Variants in ATG10 observed in about 807,000 individuals in gnomAD.
ATG10 encodes autophagy related 10.
Under a neutral mutation model 32.1 loss-of-function variants are expected in ATG10, and 30 were observed. The observed-to-expected ratio is 0.94, with a 90% confidence interval of 0.70 to 1.27. The LOEUF (loss-of-function observed/expected upper bound fraction) is 1.27, where lower values mean the gene tolerates loss of function less well. Ranked by LOEUF, ATG10 falls within the 50% of genes most tolerant of loss-of-function variation. The pLI is 0.00. For missense variants in ATG10, 233 were observed against 262.3 expected, an observed-to-expected ratio of 0.89 and a Z score of 0.77; for synonymous variants, 87 against 91.5, an observed-to-expected ratio of 0.95 and a Z score of 0.28.
chr5:82,026,099 T>C (rs1033469111), intron 2 of ATG10, among the ~76,000 whole-genome samples: 1 of 152,196 alleles, frequency 6.6e-6, no homozygotes, highest in African/African-American at 2.4e-5. Flanking sequence ...AACTTTCCAT[T>C]TTCCCCACTG....
intron 5 of ATG10, among the ~76,000 whole-genome samples, chr5:82,223,671 A>G (rs769231518): frequency 7.9e-5 from 12 of 152,238 alleles, no homozygotes; most frequent in Non-Finnish European, 1.8e-4. Flanking sequence ...ATTACACAGA[A>G]GAATTAATCA....
chr5:82,040,310 T>TA (rs1763046847), intron 2 of ATG10, among the ~76,000 whole-genome samples: 1 of 152,204 alleles, frequency 6.6e-6, no homozygotes, highest in Non-Finnish European at 1.5e-5. Flanking sequence ...CAGCTTTTGA[T>TA]ACATCAAATT....
At chr5:82,051,635 C>T (rs1206094194) in intron 2 of ATG10, among the ~76,000 whole-genome samples, 1 of 152,048 alleles carries the variant, frequency 6.6e-6, no homozygotes, top group Non-Finnish European at 1.5e-5. Flanking sequence ...CAGAGTTCAC[C>T]CTGGCCAGGA....
intron 5 of ATG10, among the ~76,000 whole-genome samples, chr5:82,242,189 C>A (rs1365750863): frequency 6.6e-6 from 1 of 151,892 alleles, no homozygotes; most frequent in African/African-American, 2.4e-5. Context: ...AGGAAGACGA[C>A]TATGGAAAAT....
intron 1 of ATG10, among the ~76,000 whole-genome samples, chr5:81,981,097 C>T (rs1409923751): frequency 6.6e-6 from 1 of 152,198 alleles, no homozygotes; most frequent in African/African-American, 2.4e-5. Flanking sequence ...TACGACTTCT[C>T]TTCTGATGTG....
intron 5 of ATG10, among the ~76,000 whole-genome samples, chr5:82,218,436 A>AT (rs1745783394): frequency 6.6e-6 from 1 of 152,182 alleles, no homozygotes; most frequent in Non-Finnish European, 1.5e-5. Context: ...CATTGCTATT[A>AT]TAGTTTGCTT....
chr5:82,118,586 G>A (rs1765923204), intron 3 of ATG10, among the ~76,000 whole-genome samples: 1 of 151,428 alleles, frequency 6.6e-6, no homozygotes, highest in African/African-American at 2.4e-5. Flanking sequence ...GGATGAGCAG[G>A]TCCAGTGAAA....
intron 5 of ATG10, among the ~76,000 whole-genome samples, chr5:82,184,755 T>G (rs1214667428): frequency 1.3e-5 from 2 of 152,238 alleles, no homozygotes; most frequent in Non-Finnish European, 2.9e-5. Context: ...TTATTTTATT[T>G]TTTAAAAAGC....
chr5:82,000,725 C>T lies in ATG10; in HGVS notation c.108+13047C>T, dbSNP rs148379991. Among the ~76,000 whole-genome samples, 474 of 152,216 alleles carry T rather than the reference C, an allele frequency of 3.1e-3. 3 individuals carry two copies. Among genetic ancestry groups the T allele is most frequent in the East Asian group, 0.013 (69 of 5,174 alleles). ...AGGCTGGAGTGCAGTGGCACAATCT[C>T]GGCTCACTGCAACCCCGTCCTCCCA... On this transcript the variant is annotated intron_variant, in intron 2 of 7. Coordinates refer to ENST00000282185, the MANE Select transcript of ATG10 (RefSeq NM_031482.5).
chr5:82,048,034 G>T (rs368601158), intron 2 of ATG10, among the ~76,000 whole-genome samples: 25 of 143,670 alleles, frequency 1.7e-4, no homozygotes, highest in African/African-American at 6.3e-4. Flanking sequence ...TTGTAGATAT[G>T]CGGCATTATT....
At chr5:82,173,151 T>C (rs991325500) in intron 4 of ATG10, among the ~76,000 whole-genome samples, 1 of 152,196 alleles carries the variant, frequency 6.6e-6, no homozygotes, top group African/African-American at 2.4e-5. Context: ...CTAGTCTTCA[T>C]TTTAGGAGTT....
At chr5:82,139,053 G>T (rs1456643693) in intron 3 of ATG10, among the ~76,000 whole-genome samples, 2 of 149,610 alleles carry the variant, frequency 1.3e-5, no homozygotes, top group South Asian at 2.1e-4. Flanking sequence ...TGTGTTGGCC[G>T]GGCCGGTCTC....
chr5:82,172,953 G>T (rs1484951924), intron 4 of ATG10, among the ~76,000 whole-genome samples: 1 of 152,116 alleles, frequency 6.6e-6, no homozygotes, highest in Non-Finnish European at 1.5e-5. Flanking sequence ...TTTCCCCTTT[G>T]GTGGAGCTTC....
At chr5:81,994,198 T>C (rs1393710419) in intron 2 of ATG10, among the ~76,000 whole-genome samples, 1 of 152,190 alleles carries the variant, frequency 6.6e-6, no homozygotes, top group Non-Finnish European at 1.5e-5. Flanking sequence ...TTTGTTTCAG[T>C]TTGGGCTCTC....
intron 3 of ATG10, among the ~76,000 whole-genome samples, chr5:82,122,676 A>G (rs140988485): frequency 6.1e-4 from 93 of 152,342 alleles, no homozygotes; most frequent in African/African-American, 2.0e-3. Context: ...TAGAAAAACA[A>G]TCCCGTTAAA....
At chr5:82,009,290 AT>A (rs1220967903) in intron 2 of ATG10, among the ~76,000 whole-genome samples, 4 of 151,680 alleles carry the variant, frequency 2.6e-5, no homozygotes, top group Non-Finnish European at 4.4e-5. Flanking sequence ...CTAGGGAACC[AT>A]TTTTTTTCTC....
intron 5 of ATG10, among the ~76,000 whole-genome samples, chr5:82,197,530 G>T (rs1006353430): frequency 6.6e-6 from 1 of 151,846 alleles, no homozygotes; most frequent in Non-Finnish European, 1.5e-5. Flanking sequence ...CTGTCTGTCT[G>T]TCTTTCTTGG....
intron 1 of ATG10, among the ~76,000 whole-genome samples, chr5:81,979,658 C>T (rs193003689): frequency 4.0e-5 from 6 of 150,984 alleles, no homozygotes; most frequent in African/African-American, 1.5e-4. Flanking sequence ...ATGGCAGAGG[C>T]TACCCTGATT....
chr5:82,144,351 CT>C (rs1035252909), intron 3 of ATG10, among the ~76,000 whole-genome samples: 4 of 151,424 alleles, frequency 2.6e-5, no homozygotes, highest in Admixed American at 1.3e-4. Context: ...TTGTTATTTC[CT>C]TTCTTTTATT....
Sources: allele counts gnomAD v4.1 joint callset (sites outside exome capture counted in the v4.1 genomes callset), GRCh38; gene constraint gnomAD v4.1.1; transcripts MANE v1.5; gene names NCBI Gene and HGNC (gene_info 2026-07-23, HGNC 2026-07-21).